Variants in DLGAP1 observed in about 807,000 individuals in gnomAD.
The protein encoded by DLGAP1 is disks large-associated protein 1.
Under a neutral mutation model 90.8 loss-of-function variants are expected in DLGAP1, and 11 were observed. That is an observed-to-expected ratio of 0.12 (90% CI 0.08 to 0.20). The LOEUF (loss-of-function observed/expected upper bound fraction) is 0.20, where lower values mean the gene tolerates loss of function less well. Ranked by LOEUF, DLGAP1 falls within the 10% of genes least tolerant of loss-of-function variation. The pLI, the probability that DLGAP1 is intolerant of heterozygous loss-of-function variation, is 1.00. For missense variants in DLGAP1, 1,050 were observed against 1,333.8 expected (o/e 0.79, Z 3.31); for synonymous variants, 558 against 540.7 (o/e 1.03, Z -0.44).
At chr18:3,542,240 C>T (rs1568162490) in intron 9 of DLGAP1, among the ~76,000 whole-genome samples, 1 of 152,196 alleles carries the variant, frequency 6.6e-6, no homozygotes, top group Non-Finnish European at 1.5e-5. Context: ...CCCATTTCCA[C>T]CCCACTGATG....
At position 3,975,124 on chromosome 18, in the gene DLGAP1, T is replaced by C. The variant is rs141467974; in HGVS notation, c.-73+29992A>G. Reference sequence around the variant, plus strand: ...GATCTGTTGCACCACAATGTGAAGGTACTTAACACTATTGAACTGTACACT... The same window carrying C: ...GATCTGTTGCACCACAATGTGAAGGCACTTAACACTATTGAACTGTACACT... On this transcript the variant is annotated intron_variant, in intron 3 of 12. Coordinates refer to ENST00000315677, the MANE Select transcript of DLGAP1 (RefSeq NM_004746.4). Among the ~76,000 whole-genome samples the C allele has an allele frequency of 2.1e-3, 317 of 152,210 alleles. 6 individuals carry two copies. The South Asian group carries it at 0.026, about 13-fold the overall frequency.
intron 7 of DLGAP1, chr18:3,728,009 C>T (rs1358255357): frequency 6.6e-6 from 1 of 152,060 alleles, no homozygotes; most frequent in Non-Finnish European, 1.5e-5. Context: ...CACCTCAATT[C>T]CATATATCTA....
chr18:4,266,391 T>C (rs1321332460), intron 1 of DLGAP1, among the ~76,000 whole-genome samples: 2 of 152,176 alleles, frequency 1.3e-5, no homozygotes, highest in African/African-American at 4.8e-5. Flanking sequence ...ATAATGGCAA[T>C]TTGGGCATAA....
At chr18:3,581,176 C>T (rs1599354642) in intron 8 of DLGAP1, among the ~76,000 whole-genome samples, 2 of 152,176 alleles carry the variant, frequency 1.3e-5, no homozygotes, top group Admixed American at 6.6e-5. Flanking sequence ...ACCAGCTCTC[C>T]TTCCTGCCTT....
At chr18:3,910,988 G>A (rs998259161) in intron 3 of DLGAP1, among the ~76,000 whole-genome samples, 4 of 152,160 alleles carry the variant, frequency 2.6e-5, no homozygotes, top group Non-Finnish European at 4.4e-5. Context: ...TTTGGCCCAC[G>A]AACTGCTGGA....
intron 1 of DLGAP1, among the ~76,000 whole-genome samples, chr18:4,374,573 T>C (rs2081978778): frequency 6.6e-6 from 1 of 152,082 alleles, no homozygotes; most frequent in South Asian, 2.1e-4. Flanking sequence ...AAAAATGACA[T>C]ATAGTTTAAA....
intron 9 of DLGAP1, among the ~76,000 whole-genome samples, chr18:3,537,116 G>A (rs984375571): frequency 2.4e-4 from 37 of 151,990 alleles, no homozygotes; most frequent in African/African-American, 8.2e-4. Flanking sequence ...CAATTTACCA[G>A]CTGAACCATT....
At chr18:4,224,625 G>T (rs996212579) in intron 1 of DLGAP1, among the ~76,000 whole-genome samples, 1 of 151,782 alleles carries the variant, frequency 6.6e-6, no homozygotes, top group African/African-American at 2.4e-5. Context: ...TTGTGGAAAG[G>T]GGAGAGAAGA....
Position 4,287,602 on chromosome 18 carries a change from G to A in DLGAP1, c.-266-136315C>T, listed in dbSNP as rs566192618. 2.2e-4 allele frequency among the ~76,000 whole-genome samples: 34 copies of A among 152,150 alleles called. No individual in the cohort carries two copies. The South Asian group carries it at 3.9e-3, about 18-fold the overall frequency. ...GCAAAGTAAAACAGGAACAGAAAAC[G>A]AAACACCACATGTTCTCACTCATAA... On this transcript the variant is annotated intron_variant, in intron 1 of 12. Transcript: ENST00000315677.
chr18:4,253,442 A>T (rs2078823964), intron 1 of DLGAP1, among the ~76,000 whole-genome samples: 1 of 152,072 alleles, frequency 6.6e-6, no homozygotes, highest in South Asian at 2.1e-4. Flanking sequence ...GCAGAGTCTC[A>T]CTCTGTCACC....
chr18:4,334,222 G>A (rs796078418), intron 1 of DLGAP1, among the ~76,000 whole-genome samples: 13 of 151,656 alleles, frequency 8.6e-5, no homozygotes, highest in African/African-American at 3.2e-4. Flanking sequence ...CGGGCAACAA[G>A]ATTGAAACTC....
At chr18:4,391,036 C>T (rs549264414) in intron 1 of DLGAP1, among the ~76,000 whole-genome samples, 2 of 152,210 alleles carry the variant, frequency 1.3e-5, no homozygotes, top group South Asian at 2.1e-4. Flanking sequence ...TAGCCTATCC[C>T]GATTGACACA....
intron 1 of DLGAP1, among the ~76,000 whole-genome samples, chr18:4,300,348 G>A (rs1229994163): frequency 1.3e-5 from 2 of 151,964 alleles, no homozygotes; most frequent in Admixed American, 6.6e-5. Flanking sequence ...TCTGTAGATC[G>A]TAAAATGTTT....
intron 1 of DLGAP1, among the ~76,000 whole-genome samples, chr18:4,254,319 G>A (rs993882002): frequency 1.3e-5 from 2 of 152,196 alleles, no homozygotes; most frequent in African/African-American, 2.4e-5. Context: ...CTGAAAGGTT[G>A]ATTAGAGATG....
chr18:3,736,706 A>C (rs2062652988), intron 6 of DLGAP1, among the ~76,000 whole-genome samples: 1 of 152,202 alleles, frequency 6.6e-6, no homozygotes, highest in Non-Finnish European at 1.5e-5. Flanking sequence ...GGACGTTTGA[A>C]ATTATCCTTA....
At chr18:3,888,107 C>CAAAAAAAAAAAAAAAAAAAAAAAAAAAA (rs1164887393) in intron 3 of DLGAP1, among the ~76,000 whole-genome samples, 1 of 49,382 alleles carries the variant, frequency 2.0e-5, no homozygotes, top group African/African-American at 7.7e-5. Flanking sequence ...GACTCCATCT[C>CAAAAAAAAAAAAAAAAAAAAAAAAAAAA]AAAAAAAAAA....
intron 3 of DLGAP1, among the ~76,000 whole-genome samples, chr18:3,970,633 C>CCCAT (rs10656587): frequency 0.092 from 13,957 of 151,980 alleles, 1,352 homozygotes; most frequent in African/African-American, 0.25. Context: ...AACATCTTGC[C>CCCAT]CCATATTAGA....
intron 1 of DLGAP1, among the ~76,000 whole-genome samples, chr18:4,196,941 G>C (rs2077509021): frequency 6.6e-6 from 1 of 152,068 alleles, no homozygotes; most frequent in East Asian, 1.9e-4. Context: ...GGGAGGCCGA[G>C]GTGGGTGGAT....
chr18:4,064,815 G>C (rs1176769573), intron 2 of DLGAP1, among the ~76,000 whole-genome samples: 1 of 151,746 alleles, frequency 6.6e-6, no homozygotes, highest in African/African-American at 2.4e-5. Context: ...AATTAATAAG[G>C]AGGGATCCTC....
Sources: allele counts gnomAD v4.1 joint callset (sites outside exome capture counted in the v4.1 genomes callset), GRCh38; gene constraint gnomAD v4.1.1; transcripts MANE v1.5; gene names NCBI Gene and HGNC (gene_info 2026-07-23, HGNC 2026-07-21).